The following NRG2 variants were observed in gnomAD, a reference collection of about 807,000 sequenced individuals.
NRG2 encodes the protein pro-neuregulin-2, membrane-bound isoform.
In NRG2, 27 loss-of-function variants were observed where a neutral mutation model predicts 73.9. The observed-to-expected ratio is 0.37, with a 90% CI of 0.27 to 0.50. The LOEUF (loss-of-function observed/expected upper bound fraction) is 0.50, where lower values mean the gene tolerates loss of function less well. NRG2 is among the 20% of genes least tolerant of loss of function. NRG2 has a pLI of 0.96. For synonymous variants in NRG2, 532 were observed against 541.0 expected, an observed-to-expected ratio of 0.98 and a Z score of 0.23; for missense variants, 1,126 against 1,210.1, an observed-to-expected ratio of 0.93 and a Z score of 1.03.
intron 3 of NRG2, among the ~76,000 whole-genome samples, chr5:139,876,192 G>A (rs192379536): frequency 6.6e-6 from 1 of 152,280 alleles, no homozygotes; most frequent in Non-Finnish European, 1.5e-5. Context: ...AAAAGGAATG[G>A]AGTACTGATC....
intron 1 of NRG2, among the ~76,000 whole-genome samples, chr5:139,934,242 T>C (rs762684688): frequency 6.6e-6 from 1 of 152,146 alleles, no homozygotes; most frequent in East Asian, 1.9e-4. Flanking sequence ...CTCAAATATA[T>C]TTTTTCTTAT....
intron 1 of NRG2, among the ~76,000 whole-genome samples, chr5:139,973,156 C>CAAAAA (rs58053481): frequency 7.8e-5 from 7 of 89,404 alleles, no homozygotes; most frequent in Admixed American, 2.5e-4. Context: ...TAAGAATATG[C>CAAAAA]AAAAAAAAAA....
intron 1 of NRG2, among the ~76,000 whole-genome samples, chr5:139,925,018 C>A (rs1751947926): frequency 6.6e-6 from 1 of 152,052 alleles, no homozygotes; most frequent in Non-Finnish European, 1.5e-5. Context: ...ACACACGAAG[C>A]CTGGGAGTAG....
intron 1 of NRG2, among the ~76,000 whole-genome samples, chr5:140,021,092 A>G (rs1330485070): frequency 6.6e-6 from 1 of 152,202 alleles, no homozygotes; most frequent in Non-Finnish European, 1.5e-5. Context: ...ACAACAGCAT[A>G]TTTTCATACA....
chr5:140,038,045 A>C (rs1339594378), intron 1 of NRG2, among the ~76,000 whole-genome samples: 3 of 152,158 alleles, frequency 2.0e-5, no homozygotes, highest in African/African-American at 7.2e-5. Flanking sequence ...ATTAAGAAGG[A>C]AACTTTTCAT....
chr5:139,985,258 C>T (rs1442447091), intron 1 of NRG2, among the ~76,000 whole-genome samples: 1 of 151,002 alleles, frequency 6.6e-6, no homozygotes, highest in South Asian at 2.1e-4. Flanking sequence ...GAGAATCACT[C>T]GAATCCTGGA....
intron 1 of NRG2, among the ~76,000 whole-genome samples, chr5:139,914,153 C>T (rs1204273253): frequency 6.6e-6 from 1 of 152,048 alleles, no homozygotes; most frequent in Non-Finnish European, 1.5e-5. Flanking sequence ...GACCCTGTCT[C>T]AGAAAAAGAA....
rs1761489137 is a variant in NRG2, at chr5:139,852,284, T to C, written c.1544+148A>G. 2 of 952,938 alleles carry C rather than the reference T, an allele frequency of 2.1e-6. No homozygotes were observed. Among genetic ancestry groups the C allele is most frequent in the Admixed American group, 5.8e-5 (2 of 34,420 alleles). The allele number at this position is 952,938 out of a possible 1,614,324, so 59.0% of individuals were successfully genotyped here. On this transcript the variant is annotated intron_variant, in intron 8 of 9. Coordinates refer to ENST00000361474, the MANE Select transcript of NRG2 (RefSeq NM_004883.3). This position sits in a 1 kb window ranked among gnomAD's most constrained non-coding sequence, Gnocchi z 4.4. ...TGCTGTGTGGACTGGCCTCTGCAGT[T>C]CTGGAGAGGAGGCTAAGGTGTGCTG...
At chr5:139,890,172 A>C (rs3863189) in intron 1 of NRG2, among the ~76,000 whole-genome samples, 1 of 152,170 alleles carries the variant, frequency 6.6e-6, no homozygotes, top group Non-Finnish European at 1.5e-5. Flanking sequence ...TTTGCCAATT[A>C]GCTAGGCAAA....
chr5:139,847,888 G>GGCGGGGCGGAGGGGC lies in NRG2; in HGVS notation c.*14_*28dup. 5 of 1,375,812 alleles carry GGCGGGGCGGAGGGGC rather than the reference G, an allele frequency of 3.6e-6. No homozygotes were observed. The highest frequency in any genetic ancestry group is 4.7e-6 in the Non-Finnish European group (5 of 1,066,932). The allele number at this position is 1,375,812 out of a possible 1,614,324, so 85.2% of individuals were successfully genotyped here. On this transcript the variant is annotated 3_prime_UTR_variant, in exon 10 of 10. Coordinates refer to ENST00000361474, the MANE Select transcript of NRG2 (RefSeq NM_004883.3). ...TGGTCTCCTTAAAGATAGTGGGGCG[G>GGCGGGGCGGAGGGGC]GCGGGGCGGAGGGGCGCGCGGCGGG...
intron 1 of NRG2, among the ~76,000 whole-genome samples, chr5:140,017,414 G>A (rs767967318): frequency 3.4e-4 from 51 of 152,132 alleles, no homozygotes; most frequent in African/African-American, 9.7e-4. Flanking sequence ...CAACAACTCC[G>A]TAGTTGGAGA....
In NRG2 at chr5:140,043,014, C is replaced by T. The variant is rs1429939585; in HGVS notation, c.56G>A (p.Cys19Tyr). 1 of 1,574,364 alleles carries T rather than the reference C, an allele frequency of 6.4e-7. No individual in the cohort carries two copies. The highest frequency in any genetic ancestry group is 8.6e-7 in the Non-Finnish European group (1 of 1,165,970). The change falls in exon 1 of 10, where the codon TGC becomes TAC. Residue 19 changes from cysteine to tyrosine, a missense_variant. Physicochemically the swap from Cys to Tyr is radical, Grantham distance 194. Around this residue, in one of 3 missense-constraint regions of NRG2, gnomAD observed 185 missense variants for 149.0 expected, o/e 1.24. Coordinates refer to ENST00000361474, the MANE Select transcript of NRG2 (RefSeq NM_004883.3). This position sits in a 1 kb window ranked among gnomAD's most constrained non-coding sequence, Gnocchi z 6.7. The stretch of plus-strand genomic sequence containing the variant: ...GCTGCTGCTGTCGCTGTAGCTGCTG[C>T]ACCGACCCTTCTCCAGTGGCGGCGG... The part of the protein sequence containing the change: ...LPPPPLEKGR[C>Y]SSYSDSSSSS...
At chr5:140,019,945 G>C (rs1760091562) in intron 1 of NRG2, among the ~76,000 whole-genome samples, 1 of 152,110 alleles carries the variant, frequency 6.6e-6, no homozygotes, top group African/African-American at 2.4e-5. Flanking sequence ...GTAGAGACAG[G>C]GTTTCACCAT....
chr5:140,029,687 C>CAAAAAAAAAAAAAAAAAAAAAAAAAAAA (rs34122778), intron 1 of NRG2, among the ~76,000 whole-genome samples: 15 of 61,284 alleles, frequency 2.4e-4, no homozygotes, highest in Admixed American at 3.9e-4. Flanking sequence ...GACTCTGTCT[C>CAAAAAAAAAAAAAAAAAAAAAAAAAAAA]AAAAAAAAAA....
At chr5:139,859,990 A>G in intron 5 of NRG2, 2 of 1,461,480 alleles carry the variant, frequency 1.4e-6, no homozygotes, top group Non-Finnish European at 1.9e-6. Context: ...AGGGGGAGAG[A>G]GAGAGACAGA....
chr5:139,958,718 T>G (rs1159470716), intron 1 of NRG2, among the ~76,000 whole-genome samples: 1 of 152,154 alleles, frequency 6.6e-6, no homozygotes, highest in Non-Finnish European at 1.5e-5. Context: ...GTAATAGAAA[T>G]GGCCGGCGAC....
intron 1 of NRG2, among the ~76,000 whole-genome samples, chr5:140,004,450 T>A (rs969108114): frequency 6.6e-6 from 1 of 152,206 alleles, no homozygotes; most frequent in East Asian, 1.9e-4. Context: ...AAGGGTAAGA[T>A]AGTAACTTTA....
intron 1 of NRG2, among the ~76,000 whole-genome samples, chr5:139,937,016 G>A (rs1470331581): frequency 1.3e-5 from 2 of 152,206 alleles, no homozygotes; most frequent in African/African-American, 4.8e-5. Flanking sequence ...TGGCCAGGCT[G>A]GTCTCGAACT....
intron 5 of NRG2, among the ~76,000 whole-genome samples, chr5:139,857,377 C>T (rs4912894): frequency 0.39 from 58,565 of 151,994 alleles, 13,725 homozygotes; most frequent in East Asian, 0.57. Flanking sequence ...ATGATCGTGC[C>T]AGATGGCCCT....
Sources: gnomAD v4.1 joint callset for allele counts (sites outside exome capture counted in the v4.1 genomes callset) on GRCh38, gnomAD v4.1.1 for gene constraint, gnomAD v4.1.1 regional missense constraint, Gnocchi (gnomAD v3.1) non-coding constraint, MANE v1.5 for transcripts, NCBI Gene and HGNC (gene_info 2026-07-23, HGNC 2026-07-21) for gene names.